Variants in ZFAT observed in about 807,000 individuals in gnomAD.
ZFAT encodes the protein zinc finger protein ZFAT.
ZFAT carries 64 observed loss-of-function variants against 117.7 expected under a neutral mutation model. The observed-to-expected ratio is 0.54, with a 90% confidence interval of 0.44 to 0.67. The LOEUF (loss-of-function observed/expected upper bound fraction) is 0.67. Among genes scored for constraint, ZFAT ranks in the 30% least tolerant of loss-of-function variants. The pLI is 0.00. For synonymous variants in ZFAT, 679 were observed against 615.0 expected (o/e 1.10, Z -1.54); for missense variants, 1,433 against 1,584.5 (o/e 0.90, Z 1.62).
At chr8:134,572,520 C>T (rs897688331) in intron 10 of ZFAT, among the ~76,000 whole-genome samples, 4 of 152,210 alleles carry the variant, frequency 2.6e-5, no homozygotes, top group African/African-American at 9.7e-5. Flanking sequence ...AGCCCCCCAG[C>T]CTTGACTGGC....
chr8:134,606,334 C>A lies in ZFAT; in HGVS notation c.785+2395G>T, dbSNP rs139012272. 4.3e-4 allele frequency among the ~76,000 whole-genome samples: 65 copies of A among 152,310 alleles called. No homozygotes were observed. In the East Asian group the frequency reaches 0.011, roughly 25 times the overall value. On this transcript the variant is annotated intron_variant, in intron 5 of 15. Transcript: ENST00000377838. ...AGAGTTGAGTTGATAACACTATATC[C>A]TCATGAAGTTATGCCTTGTTGCTAT...
At position 134,702,137 on chromosome 8, in the gene ZFAT, C is replaced by T. The variant is rs757598024; in HGVS notation, c.19+10708G>A. Among the ~76,000 whole-genome samples, 79 of 152,184 alleles carry T rather than the reference C, an allele frequency of 5.2e-4. 1 individual carries two copies. The highest frequency in any genetic ancestry group is 1.0e-3 in the Non-Finnish European group (69 of 68,030). ...TACCCACCCAGCAAGAAGGCCCTCA[C>T]CAGATGCAGCCCCTTGACCTTGGCC... On this transcript the variant is annotated intron_variant, in intron 1 of 15. Coordinates refer to ENST00000377838, the MANE Select transcript of ZFAT (RefSeq NM_020863.4).
In ZFAT at chr8:134,588,405, A is replaced by T; in HGVS notation, c.2564-10T>A. The T allele has an allele frequency of 6.4e-7, 1 of 1,567,408 alleles. No homozygotes were observed. The highest frequency in any genetic ancestry group is 8.6e-7 in the Non-Finnish European group (1 of 1,158,068). On this transcript the variant is annotated splice_polypyrimidine_tract_variant and intron_variant, in intron 8 of 15. Coordinates refer to ENST00000377838, the MANE Select transcript of ZFAT (RefSeq NM_020863.4). ...GTGCTCATGGAGACCTCTAGAAGAA[A>T]AGCAGGATGTCAAAAGGAGTCAGAG...
chr8:134,493,815 A>G (rs1818229320), intron 15 of ZFAT, among the ~76,000 whole-genome samples: 2 of 152,088 alleles, frequency 1.3e-5, no homozygotes, highest in South Asian at 4.1e-4. Flanking sequence ...CCTCCACACC[A>G]TCATGCCATG....
intron 11 of ZFAT, among the ~76,000 whole-genome samples, chr8:134,536,254 T>C (rs1470099115): frequency 5.3e-5 from 8 of 152,206 alleles, no homozygotes; most frequent in Non-Finnish European, 1.2e-4. Context: ...CTTGGCGAAA[T>C]CTTCCCTCCA....
In ZFAT at chr8:134,657,704, T is replaced by C; in HGVS notation, c.53A>G (p.Asn18Ser). ...NTAIFMCKCC[N>S]LFSPNQSELL... The stretch of plus-strand genomic sequence containing the variant: ...TTCCGACTGATTTGGTGAGAAGAGG[T>C]TACAACATTTACACATAAAGATGGC... The change falls in exon 2 of 16, where the codon AAC (asparagine) becomes AGC (serine). Residue 18 changes from asparagine to serine, a missense_variant. Asn to Ser is a conservative substitution (Grantham distance 46). Transcript: ENST00000377838. The C allele has an allele frequency of 6.2e-7, 1 of 1,613,058 alleles. No individual in the cohort carries two copies. The highest frequency in any genetic ancestry group is 8.5e-7 in the Non-Finnish European group (1 of 1,179,768).
At chr8:134,653,735 T>TA (rs1831424485) in intron 2 of ZFAT, among the ~76,000 whole-genome samples, 2 of 151,970 alleles carry the variant, frequency 1.3e-5, no homozygotes, top group African/African-American at 4.8e-5. Flanking sequence ...TCAATAAAAC[T>TA]AAAAAAAGAA....
At chr8:134,600,915 T>G (rs929768328) in intron 6 of ZFAT, among the ~76,000 whole-genome samples, 1 of 152,188 alleles carries the variant, frequency 6.6e-6, no homozygotes, top group Non-Finnish European at 1.5e-5. Flanking sequence ...CAGTGTTTAC[T>G]GAGAACCAGT....
intron 15 of ZFAT, among the ~76,000 whole-genome samples, chr8:134,499,858 C>CCCACCGGA (rs1818837602): frequency 6.6e-6 from 1 of 152,178 alleles, no homozygotes; most frequent in Non-Finnish European, 1.5e-5. Flanking sequence ...GGCAGACGTC[C>CCCACCGGA]GGTGGGAGAG....
intron 4 of ZFAT, 126 bp downstream of exon 4, chr8:134,610,344 G>A: frequency 9.7e-7 from 1 of 1,026,272 alleles, no homozygotes; most frequent in Non-Finnish European, 1.4e-6. Flanking sequence ...AAATTAGTGG[G>A]TGATTAAATG....
intron 1 of ZFAT, 148 bp downstream of exon 1, chr8:134,712,697 C>A: frequency 1.6e-6 from 1 of 623,226 alleles, no homozygotes; most frequent in Non-Finnish European, 2.5e-6. Flanking sequence ...GTTCGCTCTC[C>A]TCCCCAGACC....
chr8:134,776,954 T>C, the ZFAT span, among the ~76,000 whole-genome samples: 1 of 152,160 alleles, frequency 6.6e-6, no homozygotes, highest in Non-Finnish European at 1.5e-5. Flanking sequence ...CAAACAGAAC[T>C]CTGGAGAGTG....
At chr8:134,543,515 A>G (rs889287470) in intron 11 of ZFAT, among the ~76,000 whole-genome samples, 2 of 152,268 alleles carry the variant, frequency 1.3e-5, no homozygotes, top group Non-Finnish European at 2.9e-5. Flanking sequence ...TTCAGCACAC[A>G]GGAGGCTGTT....
chr8:134,832,221 G>A, the ZFAT span, among the ~76,000 whole-genome samples: 1 of 151,608 alleles, frequency 6.6e-6, no homozygotes, highest in African/African-American at 2.4e-5. Context: ...CGTCCGTCAT[G>A]GCGCGCGGCG....
At chr8:134,595,071 TGAG>T (rs371414474) in intron 7 of ZFAT, among the ~76,000 whole-genome samples, 3 of 152,196 alleles carry the variant, frequency 2.0e-5, no homozygotes, top group African/African-American at 7.2e-5. Context: ...AGACTCTGAC[TGAG>T]GAGGTCATGA....
intron 9 of ZFAT, among the ~76,000 whole-genome samples, chr8:134,587,453 T>C (rs911805773): frequency 4.6e-5 from 7 of 152,278 alleles, no homozygotes; most frequent in Non-Finnish European, 1.0e-4. Flanking sequence ...TTTTATCCCA[T>C]ATTATAGAAA....
intron 1 of ZFAT, among the ~76,000 whole-genome samples, chr8:134,710,768 G>C (rs187396910): frequency 6.6e-6 from 1 of 152,324 alleles, no homozygotes; most frequent in Admixed American, 6.5e-5. Context: ...ATGAAACAAA[G>C]TGTACAATGA....
At position 134,620,050 on chromosome 8, in the gene ZFAT, T is replaced by A. The variant is rs939745526; in HGVS notation, c.449-9395A>T. On this transcript the variant is annotated intron_variant, in intron 3 of 15. Coordinates refer to ENST00000377838, the MANE Select transcript of ZFAT (RefSeq NM_020863.4). ...GAGGTGATAGTCAAATGGCAAAGTG[T>A]AATACTGTGTTAAGGTGCTGGAGAG... Among the ~76,000 whole-genome samples the A allele has an allele frequency of 2.0e-5, 3 of 152,182 alleles. No homozygotes were observed. The South Asian group carries it at 6.2e-4, about 32-fold the overall frequency.
rs112930086 is a variant in ZFAT, at chr8:134,703,363, C to T, written c.19+9482G>A. Among the ~76,000 whole-genome samples, 235 of 152,348 alleles carry T rather than the reference C, an allele frequency of 1.5e-3. 1 individual carries two copies. The highest frequency in any genetic ancestry group is 5.4e-3 in the African/African-American group (224 of 41,568). On this transcript the variant is annotated intron_variant, in intron 1 of 15. Transcript: ENST00000377838. ...TTAGTTTTGTCTGCCTTACAGACTA[C>T]GAGTTCCTTCAGAACAGGTCTCAAG...
Sources: allele counts gnomAD v4.1 joint callset (sites outside exome capture counted in the v4.1 genomes callset), GRCh38; gene constraint gnomAD v4.1.1; transcripts MANE v1.5; gene names NCBI Gene and HGNC (gene_info 2026-07-23, HGNC 2026-07-21).